The following KCNQ5 variants were observed in gnomAD, a reference collection of about 807,000 sequenced individuals.
KCNQ5 encodes potassium voltage-gated channel subfamily KQT member 5.
KCNQ5 carries 30 observed loss-of-function variants against 98.2 expected under a neutral mutation model. That is an observed-to-expected ratio of 0.31 (90% CI 0.23 to 0.41). The LOEUF (loss-of-function observed/expected upper bound fraction) is 0.41. Among genes scored for constraint, KCNQ5 ranks in the 10% least tolerant of loss-of-function variants. The probability of loss-of-function intolerance (pLI) is 1.00; values close to 1 mark genes in which losing one functional copy is unlikely to be tolerated. For synonymous variants in KCNQ5, 458 were observed against 449.4 expected, an observed-to-expected ratio of 1.02 and a Z score of -0.24; for missense variants, 835 against 1,182.5, an observed-to-expected ratio of 0.71 and a Z score of 4.31.
chr6:72,643,860 A>G (rs1765454214), intron 1 of KCNQ5, among the ~76,000 whole-genome samples: 1 of 152,156 alleles, frequency 6.6e-6, no homozygotes, highest in South Asian at 2.1e-4. Flanking sequence ...GTTCCCTGAA[A>G]CATTGTTTTC....
chr6:72,747,019 T>C (rs911731885), intron 1 of KCNQ5, among the ~76,000 whole-genome samples: 2 of 152,140 alleles, frequency 1.3e-5, no homozygotes, highest in Admixed American at 1.3e-4. Flanking sequence ...ATTTTAAGGA[T>C]TATAATCCTT....
chr6:73,083,838 T>C (rs1773875154), intron 5 of KCNQ5, among the ~76,000 whole-genome samples: 1 of 152,238 alleles, frequency 6.6e-6, no homozygotes, highest in Non-Finnish European at 1.5e-5. Flanking sequence ...ATTCAACTGC[T>C]TTATGGTTCT....
At chr6:72,947,809 T>A (rs1354324572) in intron 1 of KCNQ5, among the ~76,000 whole-genome samples, 4 of 152,158 alleles carry the variant, frequency 2.6e-5, no homozygotes, top group African/African-American at 9.6e-5. Flanking sequence ...AGAGGACATA[T>A]CTATTTGGAA....
intron 9 of KCNQ5, among the ~76,000 whole-genome samples, chr6:73,125,985 A>G (rs1775975890): frequency 6.6e-6 from 1 of 152,236 alleles, no homozygotes; most frequent in Non-Finnish European, 1.5e-5. Context: ...GGAAGAGACA[A>G]GCTGACCAAT....
Position 73,111,392 on chromosome 6 carries a change from A to C in KCNQ5, c.1114A>C (p.Asn372His), listed in dbSNP as rs1377557395. 3 of 1,607,964 alleles carry C rather than the reference A, an allele frequency of 1.9e-6. No homozygotes were observed. The highest frequency in any genetic ancestry group is 1.3e-5 in the African/African-American group (1 of 74,404). Reference sequence around the variant, plus strand: ...TGAGAAAAGAAGGAACCCAGCTGCCAACCTCATTCAGGTAAATGTCAATGT... The same window carrying C: ...TGAGAAAAGAAGGAACCCAGCTGCCCACCTCATTCAGGTAAATGTCAATGT... ...HFEKRRNPAANLIQCVWRSYA... is the reference protein window; with the variant it reads ...HFEKRRNPAAHLIQCVWRSYA... Residue 372 changes from asparagine to histidine, a missense_variant, in exon 7 of 14, where the codon AAC (asparagine) becomes CAC (histidine). By Grantham distance (68) the Asn-to-His change is moderately conservative. Coordinates refer to ENST00000370398, the MANE Select transcript of KCNQ5 (RefSeq NM_019842.4).
At chr6:72,737,542 C>T (rs1025930915) in intron 1 of KCNQ5, among the ~76,000 whole-genome samples, 1 of 151,896 alleles carries the variant, frequency 6.6e-6, no homozygotes, top group African/African-American at 2.4e-5. Context: ...TGAGAGAAGG[C>T]TTGGGTGGAC....
chr6:72,648,402 C>T (rs1554682380), intron 1 of KCNQ5, among the ~76,000 whole-genome samples: 1 of 151,974 alleles, frequency 6.6e-6, no homozygotes, highest in Non-Finnish European at 1.5e-5. Flanking sequence ...AGGAAAATAC[C>T]ATACAGTAAT....
chr6:72,643,833 G>A (rs899450167), intron 1 of KCNQ5, among the ~76,000 whole-genome samples: 38 of 152,070 alleles, frequency 2.5e-4, no homozygotes, highest in African/African-American at 8.4e-4. Context: ...AGTTTGCAAA[G>A]ATGTAAGCAT....
At chr6:73,111,508 T>C in intron 7 of KCNQ5, 105 bp downstream of exon 7, 1 of 783,150 alleles carries the variant, frequency 1.3e-6, no homozygotes, top group Middle Eastern at 2.4e-4. Context: ...TACTGCTTTG[T>C]TCCTTTTTAT....
At chr6:72,650,960 G>T (rs1057371908) in intron 1 of KCNQ5, among the ~76,000 whole-genome samples, 4 of 152,018 alleles carry the variant, frequency 2.6e-5, no homozygotes, top group Non-Finnish European at 4.4e-5. Context: ...CAAAGGGTCA[G>T]CCTATTTTAA....
intron 1 of KCNQ5, among the ~76,000 whole-genome samples, chr6:72,885,135 A>G (rs1337255455): frequency 6.6e-6 from 1 of 152,210 alleles, no homozygotes; most frequent in African/African-American, 2.4e-5. Flanking sequence ...TAAATAAGAA[A>G]TGATTCAACA....
Position 72,830,563 on chromosome 6 carries a change from C to T in KCNQ5, c.399-173345C>T, listed in dbSNP as rs900197899. Among the ~76,000 whole-genome samples the T allele has an allele frequency of 9.9e-5, 15 of 152,236 alleles. 1 individual carries two copies. Among genetic ancestry groups the T allele is most frequent in the Admixed American group, 5.9e-4 (9 of 15,282 alleles). ...AAGCTGAAACTGGATCCCTTCCTTA[C>T]ACCTTATACAAAAATTAATTCAAGA... On this transcript the variant is annotated intron_variant, in intron 1 of 13. Transcript: ENST00000370398.
chr6:73,104,192 T>A (rs1774911756), intron 5 of KCNQ5, among the ~76,000 whole-genome samples: 1 of 152,040 alleles, frequency 6.6e-6, no homozygotes, highest in South Asian at 2.1e-4. Context: ...CATAATCTTA[T>A]ATATAGAAAA....
At chr6:73,150,781 A>G (rs1777116646) in intron 10 of KCNQ5, among the ~76,000 whole-genome samples, 1 of 150,812 alleles carries the variant, frequency 6.6e-6, no homozygotes, top group Admixed American at 6.6e-5. Context: ...ATCATTAATT[A>G]TTAAGTATTA....
chr6:72,633,222 A>G (rs779583891), intron 1 of KCNQ5, among the ~76,000 whole-genome samples: 2 of 152,140 alleles, frequency 1.3e-5, no homozygotes, highest in Non-Finnish European at 2.9e-5. Context: ...GGCCACTCGT[A>G]TGTCTTCTTT....
At chr6:73,008,216 A>G (rs940287111) in intron 2 of KCNQ5, among the ~76,000 whole-genome samples, 1 of 152,132 alleles carries the variant, frequency 6.6e-6, no homozygotes, top group Non-Finnish European at 1.5e-5. Flanking sequence ...AAAGCTATGA[A>G]GTATATGTAA....
At chr6:72,665,080 TCTCACGC>T (rs1402836894) in intron 1 of KCNQ5, among the ~76,000 whole-genome samples, 1 of 151,974 alleles carries the variant, frequency 6.6e-6, no homozygotes, top group Non-Finnish European at 1.5e-5. Flanking sequence ...GGGTGTGGTG[TCTCACGC>T]CTGTAATCCC....
chr6:72,687,489 C>T (rs1313924416), intron 1 of KCNQ5, among the ~76,000 whole-genome samples: 2 of 152,122 alleles, frequency 1.3e-5, no homozygotes, highest in Admixed American at 6.5e-5. Flanking sequence ...TGGAAACAGA[C>T]AGTAAGTCGA....
At chr6:73,020,203 C>T (rs1770532459) in intron 2 of KCNQ5, among the ~76,000 whole-genome samples, 1 of 152,006 alleles carries the variant, frequency 6.6e-6, no homozygotes, top group African/African-American at 2.4e-5. Flanking sequence ...ATGAGACTGC[C>T]CCAACTTTCA....
Sources: gnomAD v4.1 joint callset for allele counts (sites outside exome capture counted in the v4.1 genomes callset) on GRCh38, gnomAD v4.1.1 for gene constraint, MANE v1.5 for transcripts, NCBI Gene and HGNC (gene_info 2026-07-23, HGNC 2026-07-21) for gene names.